The following UMAD1 variants were observed in gnomAD, a reference collection of about 807,000 sequenced individuals.
UMAD1 encodes the protein UBAP1-MVB12-associated (UMA)-domain containing protein 1.
Under a neutral mutation model 6.1 loss-of-function variants are expected in UMAD1, and 8 were observed. The ratio of observed to expected loss-of-function variants is 1.30; its 90% CI spans 0.76 to 2.35. The LOEUF (loss-of-function observed/expected upper bound fraction) is 2.35. UMAD1 is among the 30% of genes most tolerant of loss of function. The probability of loss-of-function intolerance (pLI) is 0.00; values close to 1 mark genes in which losing one functional copy is unlikely to be tolerated. For missense variants in UMAD1, 130 were observed against 78.4 expected, an observed-to-expected ratio of 1.66 and a Z score of -2.49; for synonymous variants, 56 against 31.4, an observed-to-expected ratio of 1.78 and a Z score of -2.61.
At chr7:7,800,030 T>A (rs185431322) in intron 2 of UMAD1, among the ~76,000 whole-genome samples, 221 of 152,276 alleles carry the variant, frequency 1.5e-3, no homozygotes, top group African/African-American at 5.1e-3. Flanking sequence ...ATTACAGGCA[T>A]GTGCCACCAT....
At chr7:7,745,351 C>T (rs1019145963) in intron 2 of UMAD1, among the ~76,000 whole-genome samples, 1 of 152,164 alleles carries the variant, frequency 6.6e-6, no homozygotes, top group African/African-American at 2.4e-5. Flanking sequence ...TCTACTGTTG[C>T]TTCTCTCTGA....
intron 3 of UMAD1, among the ~76,000 whole-genome samples, chr7:7,868,820 G>A (rs994365947): frequency 1.3e-5 from 2 of 152,024 alleles, no homozygotes; most frequent in Non-Finnish European, 2.9e-5. Context: ...ACATATCCTG[G>A]GTTTTTATTT....
chr7:7,876,936 T>C (rs3735459), intron 3 of UMAD1, among the ~76,000 whole-genome samples: 124,147 of 152,182 alleles, frequency 0.82, 50,754 homozygotes, highest in Middle Eastern at 0.87. Context: ...CAAGATTTTA[T>C]AGGGCAGCTG....
At chr7:7,861,803 T>G (rs1784120371) in intron 3 of UMAD1, among the ~76,000 whole-genome samples, 3 of 152,220 alleles carry the variant, frequency 2.0e-5, no homozygotes, top group Admixed American at 2.0e-4. Flanking sequence ...ATTAGAGAGA[T>G]GTTTATACAT....
intron 1 of UMAD1, chr7:7,641,068 C>G (rs966818210): frequency 6.6e-6 from 1 of 152,662 alleles, no homozygotes; most frequent in African/African-American, 2.4e-5. Flanking sequence ...AGATGGGCAG[C>G]GGGGTCATCA....
At chr7:7,841,464 C>T (rs533353925) in intron 3 of UMAD1, among the ~76,000 whole-genome samples, 26 of 152,000 alleles carry the variant, frequency 1.7e-4, no homozygotes, top group Middle Eastern at 3.4e-3. Context: ...CCTCCACACT[C>T]GGCTAATTTT....
chr7:7,641,511 C>T (rs924172506), intron 1 of UMAD1: 2 of 152,114 alleles, frequency 1.3e-5, no homozygotes, highest in African/African-American at 2.4e-5. Flanking sequence ...CAGTTTAAAC[C>T]CCCTCAGCAG....
intron 3 of UMAD1, among the ~76,000 whole-genome samples, chr7:7,859,370 A>G (rs1037571139): frequency 6.6e-6 from 1 of 152,198 alleles, no homozygotes; most frequent in Non-Finnish European, 1.5e-5. Context: ...GAACAGTGTG[A>G]AGTTAGGTAT....
intron 3 of UMAD1, among the ~76,000 whole-genome samples, chr7:7,846,034 A>T (rs545885459): frequency 6.6e-6 from 1 of 152,284 alleles, no homozygotes; most frequent in East Asian, 1.9e-4. Context: ...AGATTTACTC[A>T]ATCATAGTAA....
At chr7:7,641,905 C>T (rs1483807295) in intron 1 of UMAD1, among the ~76,000 whole-genome samples, 12 of 152,160 alleles carry the variant, frequency 7.9e-5, no homozygotes, top group Non-Finnish European at 1.8e-4. Flanking sequence ...TTAGTGTTTC[C>T]TTAGCACTTA....
At chr7:7,850,458 C>T (rs1783887568) in intron 3 of UMAD1, among the ~76,000 whole-genome samples, 1 of 152,018 alleles carries the variant, frequency 6.6e-6, no homozygotes, top group African/African-American at 2.4e-5. Flanking sequence ...TACTTCCCCC[C>T]AAAGAATTGT....
intron 1 of UMAD1, among the ~76,000 whole-genome samples, chr7:7,650,803 G>C (rs1392830775): frequency 3.1e-4 from 47 of 152,110 alleles, no homozygotes; most frequent in Non-Finnish European, 1.5e-5. Flanking sequence ...CGGCATCACT[G>C]TTAAGTCCAA....
At chr7:7,793,086 GT>G (rs1481553476) in intron 2 of UMAD1, among the ~76,000 whole-genome samples, 2 of 152,214 alleles carry the variant, frequency 1.3e-5, no homozygotes, top group African/African-American at 4.8e-5. Flanking sequence ...GAACGAGCGT[GT>G]CGCTAATTGC....
At chr7:7,655,762 T>C (rs1302399816) in intron 1 of UMAD1, among the ~76,000 whole-genome samples, 2 of 152,192 alleles carry the variant, frequency 1.3e-5, no homozygotes, top group Non-Finnish European at 2.9e-5. Context: ...CTTTTTTATG[T>C]ATTTTAATTT....
intron 3 of UMAD1, among the ~76,000 whole-genome samples, chr7:7,805,533 C>T (rs1166425398): frequency 1.3e-5 from 2 of 150,308 alleles, no homozygotes; most frequent in Non-Finnish European, 1.5e-5. Context: ...AGCCCATTCT[C>T]CACATAGCAG....
chr7:7,838,146 A>G (rs6957269), intron 3 of UMAD1, among the ~76,000 whole-genome samples: 83,242 of 152,018 alleles, frequency 0.55, 23,342 homozygotes, highest in East Asian at 0.79. Context: ...AGGGATCAGC[A>G]AACATTTTCT....
At chr7:7,791,207 A>G (rs1447323878) in intron 2 of UMAD1, among the ~76,000 whole-genome samples, 2 of 152,064 alleles carry the variant, frequency 1.3e-5, no homozygotes, top group Non-Finnish European at 2.9e-5. Context: ...TTTATTTTCT[A>G]TTTACATATT....
intron 3 of UMAD1, among the ~76,000 whole-genome samples, chr7:7,846,079 G>A (rs968934328): frequency 2.0e-5 from 3 of 152,050 alleles, no homozygotes; most frequent in Non-Finnish European, 4.4e-5. Context: ...GAACAGTGTC[G>A]AGTAGTGCTG....
chr7:7,688,768 G>A (rs898887434), intron 2 of UMAD1, among the ~76,000 whole-genome samples: 5 of 152,016 alleles, frequency 3.3e-5, no homozygotes, highest in African/African-American at 9.7e-5. Context: ...AACCCGCTGC[G>A]TATTTTATAA....
Sources: allele counts gnomAD v4.1 joint callset (sites outside exome capture counted in the v4.1 genomes callset), GRCh38; gene constraint gnomAD v4.1.1; transcripts MANE v1.5; gene names NCBI Gene and HGNC (gene_info 2026-07-23, HGNC 2026-07-21).